The following EPB41L4A variants were observed in gnomAD, a reference collection of about 807,000 sequenced individuals.
EPB41L4A encodes band 4.1-like protein 4A.
In EPB41L4A, 100 loss-of-function variants were observed where a neutral mutation model predicts 108.6. The ratio of observed to expected loss-of-function variants is 0.92; its 90% CI spans 0.78 to 1.09. EPB41L4A has a LOEUF of 1.09. Ranked by LOEUF, EPB41L4A falls within the 50% of genes least tolerant of loss-of-function variation. The probability of loss-of-function intolerance (pLI) is 0.00; values close to 1 mark genes in which losing one functional copy is unlikely to be tolerated. For missense variants in EPB41L4A, 1,030 were observed against 842.7 expected (o/e 1.22, Z -2.75); for synonymous variants, 319 against 289.0 (o/e 1.10, Z -1.05).
chr5:112,180,002 A>T (rs568905802), intron 18 of EPB41L4A, among the ~76,000 whole-genome samples: 1 of 152,290 alleles, frequency 6.6e-6, no homozygotes, highest in South Asian at 2.1e-4. Context: ...ATTTTTAAAA[A>T]TCCTTTGTTC....
At chr5:112,161,713 G>A, downstream of EPB41L4A, 4 of 476,840 alleles carry the variant, frequency 8.4e-6, no homozygotes, top group South Asian at 1.6e-5. Flanking sequence ...GTGGAAGATG[G>A]ATGCCTGAAG....
chr5:112,190,432 C>A (rs1055932103), intron 17 of EPB41L4A, among the ~76,000 whole-genome samples: 2 of 152,084 alleles, frequency 1.3e-5, no homozygotes, highest in African/African-American at 4.8e-5. Flanking sequence ...GGTTATGAAA[C>A]CCCCAGCACC....
intron 12 of EPB41L4A, among the ~76,000 whole-genome samples, chr5:112,229,965 G>A (rs957911180): frequency 6.7e-6 from 1 of 148,798 alleles, no homozygotes; most frequent in African/African-American, 2.5e-5. Flanking sequence ...TCCAGCCTGG[G>A]AGGCAGAGCT....
chr5:112,338,784 G>A (rs1285392028), intron 1 of EPB41L4A, among the ~76,000 whole-genome samples: 8 of 152,104 alleles, frequency 5.3e-5, no homozygotes, highest in Non-Finnish European at 1.2e-4. Flanking sequence ...TAGAACACAC[G>A]TCCACTATTG....
chr5:112,345,774 T>C (rs1561591181), intron 1 of EPB41L4A, among the ~76,000 whole-genome samples: 1 of 36,240 alleles, frequency 2.8e-5, no homozygotes, highest in Non-Finnish European at 6.3e-5. Flanking sequence ...TATACATATA[T>C]ATATATACAC....
intron 1 of EPB41L4A, among the ~76,000 whole-genome samples, chr5:112,330,325 T>C (rs1436548240): frequency 6.6e-6 from 1 of 152,106 alleles, no homozygotes; most frequent in Non-Finnish European, 1.5e-5. Flanking sequence ...TAGCCTAACC[T>C]GTACACAATC....
At chr5:112,282,200 C>T (rs1753006426) in intron 2 of EPB41L4A, among the ~76,000 whole-genome samples, 1 of 152,100 alleles carries the variant, frequency 6.6e-6, no homozygotes, top group Admixed American at 6.5e-5. Context: ...GTAGCTCATT[C>T]AAGTAGAGTA....
chr5:112,338,869 T>C (rs1757086120), intron 1 of EPB41L4A, among the ~76,000 whole-genome samples: 1 of 152,184 alleles, frequency 6.6e-6, no homozygotes, highest in African/African-American at 2.4e-5. Flanking sequence ...AAAATATTTA[T>C]TGCCTAATCA....
upstream of EPB41L4A, chr5:112,419,314 G>T: frequency 2.9e-6 from 1 of 347,620 alleles, no homozygotes; most frequent in East Asian, 7.1e-5. Flanking sequence ...CGCGCATCCT[G>T]CGGCTCGAGC....
At chr5:112,154,572 A>T (rs1759584758) in intron 12 of EPB41L4A, among the ~76,000 whole-genome samples, 1 of 152,236 alleles carries the variant, frequency 6.6e-6, no homozygotes, top group Non-Finnish European at 1.5e-5. Context: ...GAAATTTTAA[A>T]AGACATGATA....
intron 7 of EPB41L4A, 115 bp downstream of exon 7, chr5:112,262,379 A>T: frequency 1.2e-6 from 1 of 804,076 alleles, no homozygotes; most frequent in Non-Finnish European, 2.1e-6. Flanking sequence ...CAGATAAAAA[A>T]GTATCATCTG....
chr5:112,358,847 A>C (rs1758529950), intron 1 of EPB41L4A, among the ~76,000 whole-genome samples: 1 of 152,254 alleles, frequency 6.6e-6, no homozygotes, highest in Non-Finnish European at 1.5e-5. Context: ...ATGAATTACC[A>C]AACAAAAGTT....
At chr5:112,262,861 C>G (rs540943303) in intron 6 of EPB41L4A, among the ~76,000 whole-genome samples, 30 of 152,092 alleles carry the variant, frequency 2.0e-4, no homozygotes, top group African/African-American at 6.5e-4. Flanking sequence ...TTCAGAAACC[C>G]CTAAAGAGGT....
At chr5:112,335,650 C>CT (rs1372591029) in intron 1 of EPB41L4A, among the ~76,000 whole-genome samples, 1 of 152,240 alleles carries the variant, frequency 6.6e-6, no homozygotes, top group Non-Finnish European at 1.5e-5. Context: ...GGCATCTCCA[C>CT]TACTGCAAGT....
intron 1 of EPB41L4A, among the ~76,000 whole-genome samples, chr5:112,333,886 C>G (rs1029149684): frequency 6.6e-6 from 1 of 152,182 alleles, no homozygotes; most frequent in Non-Finnish European, 1.5e-5. Context: ...CAGCACCAAC[C>G]TTAGATCATC....
Position 112,275,360 on chromosome 5 carries a change from C to T in EPB41L4A, c.301G>A (p.Glu101Lys). 1.3e-6 allele frequency: 2 copies of T among 1,556,218 alleles called. No individual in the cohort carries two copies. Among genetic ancestry groups the T allele is most frequent in the Non-Finnish European group, 1.7e-6 (2 of 1,144,236 alleles). ...TLYFGIKFYA[E>K]DPCKLKEEIT... ...TCTTCTTTAAGTTTACATGGATCTT[C>T]AGCATAGAATTTAATACCAAAATAC... Residue 101 changes from glutamate to lysine, a missense_variant, in exon 4 of 23, where the codon GAA (glutamate) becomes AAA (lysine). Glu to Lys is a moderately conservative substitution (Grantham distance 56). Transcript: ENST00000261486.
chr5:112,201,570 T>G (rs943449011), intron 15 of EPB41L4A, among the ~76,000 whole-genome samples: 1 of 152,116 alleles, frequency 6.6e-6, no homozygotes, highest in Admixed American at 6.6e-5. Flanking sequence ...ATATAGGGAG[T>G]GCTGACAAAT....
At chr5:112,195,638 T>C (rs1251607719) in intron 16 of EPB41L4A, 23 bp downstream of exon 16, 5 of 1,591,838 alleles carry the variant, frequency 3.1e-6, no homozygotes, top group Admixed American at 1.7e-5. Flanking sequence ...CCTCTGACTG[T>C]CCTTCCATTT....
intron 1 of EPB41L4A, among the ~76,000 whole-genome samples, chr5:112,391,811 G>A (rs760057826): frequency 6.6e-6 from 1 of 152,110 alleles, no homozygotes; most frequent in Admixed American, 6.6e-5. Context: ...AGGAAAAAAT[G>A]TTAAGGGCAG....
Sources: allele counts gnomAD v4.1 joint callset (sites outside exome capture counted in the v4.1 genomes callset), GRCh38; gene constraint gnomAD v4.1.1; transcripts MANE v1.5; gene names NCBI Gene and HGNC (gene_info 2026-07-23, HGNC 2026-07-21).